Variants in TMEM178B observed in about 807,000 individuals in gnomAD.
TMEM178B encodes transmembrane protein 178B.
Under a neutral mutation model 31.0 loss-of-function variants are expected in TMEM178B, and 5 were observed. The observed-to-expected ratio is 0.16, with a 90% CI of 0.08 to 0.34. The LOEUF is 0.34. TMEM178B is among the 10% of genes least tolerant of loss of function. The pLI is 1.00. For synonymous variants in TMEM178B, 164 were observed against 164.0 expected (o/e 1.00, Z 0.00); for missense variants, 275 against 400.3 (o/e 0.69, Z 2.67).
intron 1 of TMEM178B, among the ~76,000 whole-genome samples, chr7:141,162,824 T>C (rs568491380): frequency 1.8e-4 from 28 of 152,256 alleles, no homozygotes; most frequent in Admixed American, 4.6e-4. Context: ...GCAGATTTCC[T>C]GATCCATTTG....
chr7:141,265,754 T>C (rs1049810931), intron 2 of TMEM178B, among the ~76,000 whole-genome samples: 2 of 152,186 alleles, frequency 1.3e-5, no homozygotes, highest in African/African-American at 4.8e-5. Context: ...CCCAAGTACT[T>C]TCAAAATAAC....
intron 2 of TMEM178B, among the ~76,000 whole-genome samples, chr7:141,393,652 G>A (rs1203703176): frequency 2.0e-5 from 3 of 152,306 alleles, no homozygotes; most frequent in African/African-American, 4.8e-5. Context: ...AAAGAGAGAC[G>A]ACATTGTTAG....
chr7:141,382,758 C>G (rs114077348), intron 2 of TMEM178B, among the ~76,000 whole-genome samples: 1 of 152,136 alleles, frequency 6.6e-6, no homozygotes, highest in Non-Finnish European at 1.5e-5. Flanking sequence ...AACAGTAACA[C>G]GTTGAGTTGG....
At chr7:141,437,539 G>A in intron 2 of TMEM178B, 69 bp from the exon 3 acceptor site, 1 of 1,518,276 alleles carries the variant, frequency 6.6e-7, no homozygotes, top group Non-Finnish European at 8.8e-7. Context: ...CCCACCCCAG[G>A]GCTGGGGTAT....
At chr7:141,164,883 G>T (rs1267672128) in intron 1 of TMEM178B, among the ~76,000 whole-genome samples, 1 of 152,128 alleles carries the variant, frequency 6.6e-6, no homozygotes, top group African/African-American at 2.4e-5. Context: ...TCACCTCATG[G>T]ATCAATAGGG....
intron 2 of TMEM178B, among the ~76,000 whole-genome samples, chr7:141,334,182 G>A (rs1221031399): frequency 6.6e-6 from 1 of 152,230 alleles, no homozygotes; most frequent in Non-Finnish European, 1.5e-5. Flanking sequence ...CTGGAAATGT[G>A]TGGCACTTGC....
chr7:141,113,785 T>C (rs1795273702), intron 1 of TMEM178B, among the ~76,000 whole-genome samples: 1 of 152,216 alleles, frequency 6.6e-6, no homozygotes, highest in Non-Finnish European at 1.5e-5. Flanking sequence ...TCAGTGAATG[T>C]CTGTAGAATT....
chr7:141,276,783 C>T lies in TMEM178B; in HGVS notation c.496+64079C>T, dbSNP rs115760997. Among the ~76,000 whole-genome samples the T allele has an allele frequency of 6.1e-3, 926 of 152,302 alleles. 9 individuals carry two copies. Among genetic ancestry groups the T allele is most frequent in the African/African-American group, 0.021 (882 of 41,556 alleles). ...AACACAATCTGGATGGTAGAGCCTA[C>T]TTACTATACACCTAGGCTATACAGC... On this transcript the variant is annotated intron_variant, in intron 2 of 3. Transcript: ENST00000565468.
At chr7:141,292,885 G>A (rs190943701) in intron 2 of TMEM178B, among the ~76,000 whole-genome samples, 118 of 152,120 alleles carry the variant, frequency 7.8e-4, no homozygotes, top group African/African-American at 2.7e-3. Flanking sequence ...TGATCTGCCC[G>A]CATCAGCCTC....
At chr7:141,449,555 C>A (rs1801825110) in intron 3 of TMEM178B, among the ~76,000 whole-genome samples, 1 of 152,182 alleles carries the variant, frequency 6.6e-6, no homozygotes, top group Non-Finnish European at 1.5e-5. Context: ...GGCACCAGGG[C>A]AAACCGGACC....
chr7:141,209,397 G>A (rs1013280168), intron 1 of TMEM178B, among the ~76,000 whole-genome samples: 4 of 152,160 alleles, frequency 2.6e-5, no homozygotes, highest in African/African-American at 7.2e-5. Context: ...TGCAACAATC[G>A]CCTCCTTTAA....
intron 2 of TMEM178B, among the ~76,000 whole-genome samples, chr7:141,383,686 C>T (rs2116591789): frequency 6.6e-6 from 1 of 152,240 alleles, no homozygotes; most frequent in East Asian, 1.9e-4. Flanking sequence ...CATACGTGTG[C>T]TTGTATCTTT....
intron 1 of TMEM178B, among the ~76,000 whole-genome samples, chr7:141,157,682 G>T (rs765721432): frequency 1.1e-4 from 16 of 152,234 alleles, no homozygotes; most frequent in Non-Finnish European, 2.1e-4. Context: ...TCTGTGAAAT[G>T]GGGATGATAA....
rs568252193 is a variant in TMEM178B at position 141,467,333 on chromosome 7, A to C, written c.635-3203A>C. Among the ~76,000 whole-genome samples the C allele has an allele frequency of 9.2e-5, 14 of 152,254 alleles. No individual in the cohort carries two copies. In the East Asian group the frequency reaches 2.3e-3, roughly 25 times the overall value. ...TTCTCACAAGCATTGATGGCACTAC[A>C]CACACACATCACACACATGCACAAA... On this transcript the variant is annotated intron_variant, in intron 3 of 3. Coordinates refer to ENST00000565468, the MANE Select transcript of TMEM178B (RefSeq NM_001195278.2).
intron 2 of TMEM178B, among the ~76,000 whole-genome samples, chr7:141,286,986 A>G (rs1459162841): frequency 6.6e-6 from 1 of 152,186 alleles, no homozygotes; most frequent in African/African-American, 2.4e-5. Flanking sequence ...TACTACAATT[A>G]TATCCTTTCC....
rs1024625713 is a variant in TMEM178B at position 141,319,632 on chromosome 7, AG to A, written c.496+106930del. ...CAATGGCATGATCTCAGCTTACTGCAGGTTCAGGTGATTCTCCTGCCTCAAC... is the reference window on the plus strand; with the variant it reads ...CAATGGCATGATCTCAGCTTACTGCAGTTCAGGTGATTCTCCTGCCTCAAC... On this transcript the variant is annotated intron_variant, in intron 2 of 3. Coordinates refer to ENST00000565468, the MANE Select transcript of TMEM178B (RefSeq NM_001195278.2). 1.4e-3 allele frequency among the ~76,000 whole-genome samples: 207 copies of A among 152,164 alleles called. 2 individuals are homozygous for A. Among genetic ancestry groups the A allele is most frequent in the African/African-American group, 4.7e-3 (196 of 41,520 alleles).
chr7:141,155,673 C>T (rs1796057310), intron 1 of TMEM178B, among the ~76,000 whole-genome samples: 1 of 152,172 alleles, frequency 6.6e-6, no homozygotes, highest in Admixed American at 6.5e-5. Context: ...CCTGCTGGCT[C>T]TTCAAGGAGG....
intron 2 of TMEM178B, among the ~76,000 whole-genome samples, chr7:141,286,358 G>T (rs955378480): frequency 6.6e-6 from 1 of 152,088 alleles, no homozygotes; most frequent in Non-Finnish European, 1.5e-5. Context: ...ATTGTTTTAG[G>T]TATAGAGCCA....
At chr7:141,204,549 CA>C (rs1234629835) in intron 1 of TMEM178B, among the ~76,000 whole-genome samples, 1 of 152,146 alleles carries the variant, frequency 6.6e-6, no homozygotes, top group Non-Finnish European at 1.5e-5. Context: ...AGGGCAATTG[CA>C]CTAGTTTTGT....
Sources: allele counts gnomAD v4.1 joint callset (sites outside exome capture counted in the v4.1 genomes callset), GRCh38; gene constraint gnomAD v4.1.1; transcripts MANE v1.5; gene names NCBI Gene and HGNC (gene_info 2026-07-23, HGNC 2026-07-21).